Variants in HS3ST4 observed in about 807,000 individuals in gnomAD.
HS3ST4 encodes the protein heparan sulfate glucosamine 3-O-sulfotransferase 4.
HS3ST4 carries 17 observed loss-of-function variants against 29.2 expected under a neutral mutation model. The observed-to-expected ratio is 0.58, with a 90% CI of 0.40 to 0.87. The LOEUF (loss-of-function observed/expected upper bound fraction) is 0.87, where lower values mean the gene tolerates loss of function less well. HS3ST4 is among the 40% of genes least tolerant of loss of function. HS3ST4 has a pLI of 0.00. For synonymous variants in HS3ST4, 314 were observed against 285.7 expected, an observed-to-expected ratio of 1.10 and a Z score of -1.00; for missense variants, 627 against 634.5, an observed-to-expected ratio of 0.99 and a Z score of 0.13.
chr16:26,042,354 CTGTGTGTGTGTGTG>C (rs71732983), intron 1 of HS3ST4, among the ~76,000 whole-genome samples: 216 of 148,546 alleles, frequency 1.5e-3, no homozygotes, highest in Non-Finnish European at 2.6e-3. Context: ...GCATTTATCT[CTGTGTGTGTGTGTG>C]TGTGTGTGTG....
intron 1 of HS3ST4, among the ~76,000 whole-genome samples, chr16:25,746,008 A>G (rs1016331041): frequency 2.0e-5 from 3 of 152,206 alleles, no homozygotes; most frequent in Non-Finnish European, 4.4e-5. Flanking sequence ...AGATCTTAGC[A>G]TAGATTTACC....
intron 1 of HS3ST4, among the ~76,000 whole-genome samples, chr16:25,788,711 A>T (rs1966861901): frequency 6.8e-6 from 1 of 146,740 alleles, no homozygotes; most frequent in Non-Finnish European, 1.5e-5. Context: ...GGGCTAAATA[A>T]TTTTTTTTTT....
chr16:26,015,370 A>G (rs1262641839), intron 1 of HS3ST4, among the ~76,000 whole-genome samples: 1 of 152,236 alleles, frequency 6.6e-6, no homozygotes, highest in Non-Finnish European at 1.5e-5. Flanking sequence ...GGGGGTCCCA[A>G]ATGCAGAGCT....
intron 1 of HS3ST4, among the ~76,000 whole-genome samples, chr16:26,025,629 G>T (rs1176201179): frequency 6.6e-6 from 1 of 152,174 alleles, no homozygotes; most frequent in South Asian, 2.1e-4. Context: ...TCAACTATTT[G>T]GCAAATGCTA....
chr16:25,852,771 T>A (rs1174347472), intron 1 of HS3ST4, among the ~76,000 whole-genome samples: 3 of 151,996 alleles, frequency 2.0e-5, no homozygotes, highest in Non-Finnish European at 4.4e-5. Flanking sequence ...TTTTGTTTCA[T>A]GCTTCATATT....
Position 25,953,203 on chromosome 16 carries a change from G to T in HS3ST4, c.735-182409G>T, listed in dbSNP as rs1047853738. On this transcript the variant is annotated intron_variant, in intron 1 of 1. Coordinates refer to ENST00000331351, the MANE Select transcript of HS3ST4 (RefSeq NM_006040.3). Reference sequence around the variant, plus strand: ...GCTTAGCTTGTGTCGAGGAGCAGGTGGGGAGGCAGGCACCAAGGTGTGATG... The same window carrying T: ...GCTTAGCTTGTGTCGAGGAGCAGGTTGGGAGGCAGGCACCAAGGTGTGATG... Among the ~76,000 whole-genome samples the T allele has an allele frequency of 4.6e-5, 7 of 152,170 alleles. No individual in the cohort carries two copies. In the South Asian group the frequency reaches 1.5e-3, roughly 32 times the overall value.
chr16:26,068,390 C>G (rs566212427), intron 1 of HS3ST4, among the ~76,000 whole-genome samples: 3 of 152,102 alleles, frequency 2.0e-5, no homozygotes. Context: ...AAAAGTTTAA[C>G]GTAGATCTTA....
intron 1 of HS3ST4, among the ~76,000 whole-genome samples, chr16:26,052,802 A>G (rs2141766558): frequency 6.6e-6 from 1 of 152,350 alleles, no homozygotes; most frequent in South Asian, 2.1e-4. Flanking sequence ...TGGACTCTGA[A>G]CTGGGATATA....
intron 1 of HS3ST4, among the ~76,000 whole-genome samples, chr16:26,118,133 A>G (rs201437258): frequency 2.0e-4 from 30 of 152,248 alleles, no homozygotes; most frequent in Non-Finnish European, 3.4e-4. Context: ...TGGTGTGATC[A>G]TGGGTCACCG....
intron 1 of HS3ST4, among the ~76,000 whole-genome samples, chr16:25,991,817 C>G (rs1377297800): frequency 6.6e-6 from 1 of 152,126 alleles, no homozygotes; most frequent in Non-Finnish European, 1.5e-5. Context: ...GTCAGGAGAT[C>G]AAGACCATCC....
At chr16:26,060,510 G>A (rs117774898) in intron 1 of HS3ST4, among the ~76,000 whole-genome samples, 1,686 of 152,128 alleles carry the variant, frequency 0.011, 15 homozygotes, top group Non-Finnish European at 0.018. Context: ...TCAGATACTC[G>A]TCATCTTTTC....
intron 1 of HS3ST4, among the ~76,000 whole-genome samples, chr16:25,831,677 G>C (rs1172652338): frequency 6.6e-6 from 1 of 152,012 alleles, no homozygotes; most frequent in Non-Finnish European, 1.5e-5. Context: ...CAAGAACATG[G>C]GCCCTGTCTG....
chr16:25,989,769 C>G (rs11639505), intron 1 of HS3ST4, among the ~76,000 whole-genome samples: 17,599 of 152,090 alleles, frequency 0.12, 1,154 homozygotes, highest in South Asian at 0.17. Context: ...AATTAAAAAA[C>G]AAAACCAAAC....
intron 1 of HS3ST4, among the ~76,000 whole-genome samples, chr16:25,736,284 G>T (rs1315313871): frequency 6.6e-6 from 1 of 152,320 alleles, no homozygotes; most frequent in African/African-American, 2.4e-5. Context: ...CTGCAGTGTG[G>T]CTTTGGCCTT....
intron 1 of HS3ST4, among the ~76,000 whole-genome samples, chr16:25,840,974 GTTTA>G (rs201567916): frequency 0.26 from 13,428 of 51,442 alleles, 710 homozygotes; most frequent in East Asian, 0.33. Flanking sequence ...ATATTTGTTT[GTTTA>G]TTTATTTATT....
At chr16:25,743,628 C>T (rs1457080572) in intron 1 of HS3ST4, among the ~76,000 whole-genome samples, 1 of 152,146 alleles carries the variant, frequency 6.6e-6, no homozygotes, top group African/African-American at 2.4e-5. Flanking sequence ...GCCTCAGCCT[C>T]CTGAGTAGCT....
chr16:25,937,256 A>G (rs1480441871), intron 1 of HS3ST4, among the ~76,000 whole-genome samples: 1 of 152,220 alleles, frequency 6.6e-6, no homozygotes, highest in African/African-American at 2.4e-5. Flanking sequence ...AATGGCACCA[A>G]TATCAAGGAA....
chr16:25,912,657 G>C (rs1968252672), intron 1 of HS3ST4, among the ~76,000 whole-genome samples: 1 of 152,158 alleles, frequency 6.6e-6, no homozygotes, highest in South Asian at 2.1e-4. Context: ...TACATAGTAA[G>C]CTCTAGTGGA....
chr16:26,103,252 T>C (rs1899009960), intron 1 of HS3ST4, among the ~76,000 whole-genome samples: 1 of 152,150 alleles, frequency 6.6e-6, no homozygotes, highest in South Asian at 2.1e-4. Context: ...TTATCACCAT[T>C]ATTAATGAGG....
Sources: gnomAD v4.1 joint callset for allele counts (sites outside exome capture counted in the v4.1 genomes callset) on GRCh38, gnomAD v4.1.1 for gene constraint, MANE v1.5 for transcripts, NCBI Gene and HGNC (gene_info 2026-07-23, HGNC 2026-07-21) for gene names.